Variants in SGCG observed in about 807,000 individuals in gnomAD.
The protein encoded by SGCG is gamma-sarcoglycan.
Under a neutral mutation model 29.3 loss-of-function variants are expected in SGCG, and 26 were observed. The ratio of observed to expected loss-of-function variants is 0.89; its 90% CI spans 0.65 to 1.23. The LOEUF (loss-of-function observed/expected upper bound fraction) is 1.23, where lower values mean the gene tolerates loss of function less well. Among genes scored for constraint, SGCG ranks in the 50% most tolerant of loss-of-function variants. The pLI is 0.00. For missense variants in SGCG, 353 were observed against 356.0 expected (o/e 0.99, Z 0.07); for synonymous variants, 145 against 129.7 (o/e 1.12, Z -0.80).
chr13:23,324,805 C>G lies in SGCG; in HGVS notation c.*264C>G. 1 of 458,414 alleles carries G rather than the reference C, an allele frequency of 2.2e-6. No homozygotes were observed. The highest frequency in any genetic ancestry group is 4.1e-6 in the Non-Finnish European group (1 of 246,808). The allele number at this position is 458,414 out of a possible 1,614,324, so 28.4% of individuals were successfully genotyped here. A position where few individuals can be genotyped will look rare whatever the true frequency, so the allele number is the denominator to read the frequency against. The stretch of plus-strand genomic sequence containing the variant: ...GGATTAATTTTCACCGGAACAATTG[C>G]GAATTCTCTCTGCCTCGCCTCCCCC... On this transcript the variant is annotated 3_prime_UTR_variant, in exon 8 of 8. Transcript: ENST00000218867.
At chr13:23,195,443 G>A (rs1173622505) in intron 1 of SGCG, among the ~76,000 whole-genome samples, 6 of 149,494 alleles carry the variant, frequency 4.0e-5, no homozygotes, top group South Asian at 4.3e-4. Flanking sequence ...GTTTGAGCTT[G>A]TTTTTATTTT....
Position 23,314,382 on chromosome 13 carries a change from T to TTATATATATATATATATATATATA in SGCG, c.579-6252_579-6229dup, listed in dbSNP as rs201480793. On this transcript the variant is annotated intron_variant, in intron 6 of 7. Transcript: ENST00000218867. ...TAAATGAAATGATGTCTGCTATAGG[T>TTATATATATATATATATATATATA]TATATATATATATATATATATATAT... Among the ~76,000 whole-genome samples the TTATATATATATATATATATATATA allele has an allele frequency of 7.4e-3, 581 of 78,330 alleles. 11 individuals carry two copies. Among genetic ancestry groups the TTATATATATATATATATATATATA allele is most frequent in the East Asian group, 9.3e-3 (14 of 1,498 alleles). The allele number at this position is 78,330 out of a possible 152,430, so 51.4% of individuals were successfully genotyped here. A position where few individuals can be genotyped will look rare whatever the true frequency, so the allele number is the denominator to read the frequency against.
At chr13:23,167,769 G>A in the SGCG span, among the ~76,000 whole-genome samples, 1 of 150,936 alleles carries the variant, frequency 6.6e-6, no homozygotes, top group Admixed American at 6.6e-5. Context: ...TCTTGCTCCG[G>A]CACCCAGGCT....
At chr13:23,195,450 T>C (rs1034316076) in intron 1 of SGCG, among the ~76,000 whole-genome samples, 1 of 116,980 alleles carries the variant, frequency 8.5e-6, no homozygotes, top group Non-Finnish European at 2.0e-5. Context: ...CTTGTTTTTA[T>C]TTTTTTTTTC....
At chr13:23,220,002 A>AT (rs71100162) in intron 2 of SGCG, among the ~76,000 whole-genome samples, 114,639 of 148,944 alleles carry the variant, frequency 0.77, 44,197 homozygotes, top group East Asian at 0.92. Context: ...CGCCCGGTCA[A>AT]TTTTTTTTTT....
At chr13:23,164,063 C>G in the SGCG span, among the ~76,000 whole-genome samples, 2 of 152,178 alleles carry the variant, frequency 1.3e-5, no homozygotes, top group Non-Finnish European at 2.9e-5. Flanking sequence ...CCCTGCTGTC[C>G]TGACCAGTCG....
intron 5 of SGCG, among the ~76,000 whole-genome samples, chr13:23,292,259 G>C (rs372741933): frequency 6.6e-6 from 1 of 152,066 alleles, no homozygotes; most frequent in Non-Finnish European, 1.5e-5. Context: ...ACAGGCGTGC[G>C]CCACCACACC....
intron 6 of SGCG, among the ~76,000 whole-genome samples, chr13:23,308,803 AT>A (rs1882448522): frequency 6.6e-6 from 1 of 152,142 alleles, no homozygotes; most frequent in African/African-American, 2.4e-5. Flanking sequence ...ACCTCAAGTG[AT>A]TCACTCACGT....
At chr13:23,191,055 A>G (rs1306237422) in intron 1 of SGCG, among the ~76,000 whole-genome samples, 2 of 152,206 alleles carry the variant, frequency 1.3e-5, no homozygotes, top group Non-Finnish European at 2.9e-5. Context: ...AACAACAGAA[A>G]CTTTAAAAAA....
intron 2 of SGCG, among the ~76,000 whole-genome samples, chr13:23,214,724 A>G (rs1287150010): frequency 1.3e-5 from 2 of 152,166 alleles, no homozygotes; most frequent in African/African-American, 2.4e-5. Context: ...CTGCATCTCC[A>G]TCCCATTTGT....
chr13:23,312,478 C>T (rs1272539629), intron 6 of SGCG, among the ~76,000 whole-genome samples: 3 of 152,188 alleles, frequency 2.0e-5, no homozygotes, highest in Non-Finnish European at 4.4e-5. Context: ...TTTTCAATGA[C>T]ATTTTAATAA....
chr13:23,304,693 T>C (rs993661963), intron 6 of SGCG, among the ~76,000 whole-genome samples: 2 of 152,074 alleles, frequency 1.3e-5, no homozygotes, highest in Non-Finnish European at 2.9e-5. Context: ...AGCCTCTGCC[T>C]CCTGGGTTCA....
intron 2 of SGCG, among the ~76,000 whole-genome samples, chr13:23,213,720 G>A (rs561488406): frequency 9.2e-5 from 14 of 152,070 alleles, no homozygotes; most frequent in Non-Finnish European, 1.8e-4. Context: ...ACAAAAGACT[G>A]TCTATCATAT....
At chr13:23,226,553 A>C (rs1335974519) in intron 2 of SGCG, among the ~76,000 whole-genome samples, 1 of 152,254 alleles carries the variant, frequency 6.6e-6, no homozygotes, top group African/African-American at 2.4e-5. Context: ...TGTTCAACAC[A>C]ATGCCAATTG....
chr13:23,225,780 T>TACAAACACACACACACAC (rs71185059), intron 2 of SGCG, among the ~76,000 whole-genome samples: 7 of 148,546 alleles, frequency 4.7e-5, no homozygotes, highest in African/African-American at 1.8e-4. Context: ...GGACATGTCA[T>TACAAACACACACACACAC]ACACACACAC....
chr13:23,289,337 T>A (rs528655125), intron 5 of SGCG, among the ~76,000 whole-genome samples: 1 of 152,316 alleles, frequency 6.6e-6, no homozygotes, highest in East Asian at 1.9e-4. Context: ...TAACTCCAGG[T>A]TGTTGATTAA....
Position 23,208,453 on chromosome 13 carries a change from A to G in SGCG, c.195+4564A>G, listed in dbSNP as rs1233061483. 2.6e-5 allele frequency among the ~76,000 whole-genome samples: 4 copies of G among 152,174 alleles called. No homozygotes were observed. In the East Asian group the frequency reaches 7.7e-4, roughly 29 times the overall value. The stretch of plus-strand genomic sequence containing the variant: ...CAGTAAAACATCACAAGATGAACGC[A>G]TAAGGACACCAAAGAATATTAAAAA... On this transcript the variant is annotated intron_variant, in intron 2 of 7. Coordinates refer to ENST00000218867, the MANE Select transcript of SGCG (RefSeq NM_000231.3).
chr13:23,210,412 C>A (rs536995143), intron 2 of SGCG, among the ~76,000 whole-genome samples: 135 of 152,160 alleles, frequency 8.9e-4, no homozygotes, highest in African/African-American at 2.6e-3. Flanking sequence ...GATTTCACGG[C>A]TGGGCGCGGT....
chr13:23,288,862 C>G (rs1467087304), intron 5 of SGCG, among the ~76,000 whole-genome samples: 2 of 152,166 alleles, frequency 1.3e-5, no homozygotes, highest in Non-Finnish European at 2.9e-5. Context: ...CCAATATTAT[C>G]TTTAAAAACA....
Sources: allele counts gnomAD v4.1 joint callset (sites outside exome capture counted in the v4.1 genomes callset), GRCh38; gene constraint gnomAD v4.1.1; transcripts MANE v1.5; gene names NCBI Gene and HGNC (gene_info 2026-07-23, HGNC 2026-07-21).